The following CRIM1 variants were observed in gnomAD, a reference collection of about 807,000 sequenced individuals.
CRIM1 encodes the protein cysteine-rich motor neuron 1 protein.
CRIM1 carries 32 observed loss-of-function variants against 116.4 expected under a neutral mutation model. The ratio of observed to expected loss-of-function variants is 0.27; its 90% CI spans 0.21 to 0.37. The LOEUF (loss-of-function observed/expected upper bound fraction) is 0.37, where lower values mean the gene tolerates loss of function less well. CRIM1 is among the 10% of genes least tolerant of loss of function. The pLI, the probability that CRIM1 is intolerant of heterozygous loss-of-function variation, is 1.00. For synonymous variants in CRIM1, 590 were observed against 509.2 expected (o/e 1.16, Z -2.13); for missense variants, 1,331 against 1,354.8 (o/e 0.98, Z 0.28).
At chr2:36,510,793 T>A (rs1664618816) in intron 9 of CRIM1, among the ~76,000 whole-genome samples, 1 of 152,196 alleles carries the variant, frequency 6.6e-6, no homozygotes, top group African/African-American at 2.4e-5. Flanking sequence ...TAAGCACCTA[T>A]ATTTGCCTTT....
intron 2 of CRIM1, among the ~76,000 whole-genome samples, chr2:36,424,748 C>G (rs1402051503): frequency 6.6e-6 from 1 of 152,180 alleles, no homozygotes; most frequent in Non-Finnish European, 1.5e-5. Flanking sequence ...TCTCCTTTCT[C>G]TAGTCACAAT....
Position 36,537,475 on chromosome 2 carries a change from C to T in CRIM1, c.2552C>T (p.Thr851Ile). 3 of 1,614,242 alleles carry T rather than the reference C, an allele frequency of 1.9e-6. No individual in the cohort carries two copies. The highest frequency in any genetic ancestry group is 2.5e-6 in the Non-Finnish European group (3 of 1,180,040). The change falls in exon 14 of 17, where the codon ACC becomes ATC. Residue 851 changes from threonine to isoleucine, a missense_variant. Coordinates refer to ENST00000280527, the MANE Select transcript of CRIM1 (RefSeq NM_016441.3). The stretch of plus-strand genomic sequence containing the variant: ...CTGCAGGGCCAGACCCTCTGCTCGA[C>T]CGTCAGCTGCCCCCCTCTGCCCTGT... ...YCLQGQTLCS[T>I]VSCPPLPCVE...
intron 7 of CRIM1, among the ~76,000 whole-genome samples, chr2:36,483,533 G>A (rs1199395737): frequency 6.6e-6 from 1 of 152,118 alleles, no homozygotes; most frequent in Non-Finnish European, 1.5e-5. Flanking sequence ...TTTGCCCAGG[G>A]TCATACAGCT....
intron 1 of CRIM1, among the ~76,000 whole-genome samples, chr2:36,374,726 T>G (rs1224446540): frequency 6.6e-6 from 1 of 152,170 alleles, no homozygotes; most frequent in African/African-American, 2.4e-5. Flanking sequence ...GTAATGGAAT[T>G]TATTTTCCTG....
intron 5 of CRIM1, among the ~76,000 whole-genome samples, chr2:36,470,390 G>A (rs1014547748): frequency 1.3e-5 from 2 of 152,196 alleles, no homozygotes; most frequent in Non-Finnish European, 2.9e-5. Flanking sequence ...ATGGAAAGAA[G>A]ATGCCACCTG....
At chr2:36,471,865 A>G (rs848554) in intron 5 of CRIM1, among the ~76,000 whole-genome samples, 93,316 of 152,044 alleles carry the variant, frequency 0.61, 29,186 homozygotes, top group South Asian at 0.75. Context: ...CAGTGTAAAC[A>G]TAACTTTTAA....
At chr2:36,447,695 C>T (rs546228583) in intron 4 of CRIM1, among the ~76,000 whole-genome samples, 1 of 152,278 alleles carries the variant, frequency 6.6e-6, no homozygotes, top group East Asian at 1.9e-4. Context: ...AGCCCTCATT[C>T]AAAGGTTTGG....
intron 2 of CRIM1, among the ~76,000 whole-genome samples, chr2:36,416,882 C>G (rs2124836262): frequency 6.6e-6 from 1 of 152,354 alleles, no homozygotes; most frequent in South Asian, 2.1e-4. Flanking sequence ...TGAGCCCAGT[C>G]TGTCCTGGCT....
At chr2:36,526,693 G>T (rs1315846374) in intron 13 of CRIM1, among the ~76,000 whole-genome samples, 1 of 152,154 alleles carries the variant, frequency 6.6e-6, no homozygotes, top group Admixed American at 6.5e-5. Flanking sequence ...GCCAGACTCT[G>T]GCAGCTTCTG....
At position 36,356,265 on chromosome 2, in the gene CRIM1, G is replaced by A; in HGVS notation, c.-28G>A. The A allele has an allele frequency of 7.6e-7, 1 of 1,322,282 alleles. No homozygotes were observed. The allele number at this position is 1,322,282 out of a possible 1,614,324, so 81.9% of individuals were successfully genotyped here. A position where few individuals can be genotyped will look rare whatever the true frequency, so the allele number is the denominator to read the frequency against. Reference sequence around the variant, plus strand: ...CCCGCCCCGCTCCCGGCCCGGCTGCGAGGAGGAGGCGGCGGCGGCGCAGGA... The same window carrying A: ...CCCGCCCCGCTCCCGGCCCGGCTGCAAGGAGGAGGCGGCGGCGGCGCAGGA... On this transcript the variant is annotated 5_prime_UTR_variant, in exon 1 of 17. Coordinates refer to ENST00000280527, the MANE Select transcript of CRIM1 (RefSeq NM_016441.3). The surrounding 1 kb of genome is among the most constrained non-coding windows in gnomAD (Gnocchi z 4.3).
chr2:36,457,082 A>C (rs1199688545), intron 4 of CRIM1, among the ~76,000 whole-genome samples: 1 of 152,136 alleles, frequency 6.6e-6, no homozygotes, highest in Non-Finnish European at 1.5e-5. Flanking sequence ...GAAGAGCTTA[A>C]TGGCTGCTTT....
intron 1 of CRIM1, among the ~76,000 whole-genome samples, chr2:36,366,400 G>C (rs1669605745): frequency 6.6e-6 from 1 of 151,586 alleles, no homozygotes; most frequent in African/African-American, 2.4e-5. Flanking sequence ...TTTGTCTTCT[G>C]AATATTTAAG....
chr2:36,390,618 G>A (rs1009665036), intron 1 of CRIM1, among the ~76,000 whole-genome samples: 3 of 151,900 alleles, frequency 2.0e-5, no homozygotes, highest in African/African-American at 4.8e-5. Context: ...TAGTACAGGG[G>A]CAAGTGTCTC....
Position 36,367,549 on chromosome 2 carries a change from C to T in CRIM1, c.331+10926C>T, listed in dbSNP as rs1356730245. ...CTACCTCAAGACAGGGGAACTGAAT[C>T]AGATGATATCTTAAGGTTCTACTGG... is the stretch of plus-strand genomic sequence containing the variant. On this transcript the variant is annotated intron_variant, in intron 1 of 16. Transcript: ENST00000280527. 2.6e-5 allele frequency among the ~76,000 whole-genome samples: 4 copies of T among 152,184 alleles called. No homozygotes were observed. In the East Asian group the frequency reaches 7.7e-4, roughly 29 times the overall value.
chr2:36,544,578 T>C lies in CRIM1; in HGVS notation c.2746+80T>C, dbSNP rs1667180981. On this transcript the variant is annotated intron_variant, in intron 15 of 16. Coordinates refer to ENST00000280527, the MANE Select transcript of CRIM1 (RefSeq NM_016441.3). Reference sequence around the variant, plus strand: ...GTTTTCTAATTTTTAAAATTTCCTATGAGTAACTTTTAAAATGACTTGCTG... The same window carrying C: ...GTTTTCTAATTTTTAAAATTTCCTACGAGTAACTTTTAAAATGACTTGCTG... 7 of 1,278,654 alleles carry C rather than the reference T, an allele frequency of 5.5e-6. No individual in the cohort carries two copies. In the East Asian group the frequency reaches 1.1e-4, roughly 21 times the overall value. The allele number at this position is 1,278,654 out of a possible 1,614,324, so 79.2% of individuals were successfully genotyped here. A position where few individuals can be genotyped will look rare whatever the true frequency, so the allele number is the denominator to read the frequency against.
In CRIM1 at chr2:36,548,613, T is replaced by C. The variant is rs1558428810; in HGVS notation, c.3023T>C (p.Ile1008Thr). The change falls in exon 17 of 17, where the codon ATT becomes ACT. Residue 1008 changes from isoleucine (I) to threonine (T), a missense_variant. By Grantham distance (89) the Ile-to-Thr change is moderately conservative. Coordinates refer to ENST00000280527, the MANE Select transcript of CRIM1 (RefSeq NM_016441.3). ...GACAGTTCCCAGAGAATGCTAAGAA[T>C]TGCAGAACCAGATGCAAGATTCAGT... is the stretch of plus-strand genomic sequence containing the variant. ...QVDSSQRMLR[I>T]AEPDARFSGF... is the part of the protein sequence containing the mutation. 5.0e-6 allele frequency: 8 copies of C among 1,612,886 alleles called. No homozygotes were observed. The highest frequency in any genetic ancestry group is 5.9e-6 in the Non-Finnish European group (7 of 1,179,532).
chr2:36,494,974 C>T (rs1680476533), intron 7 of CRIM1, among the ~76,000 whole-genome samples: 1 of 152,152 alleles, frequency 6.6e-6, no homozygotes, highest in Non-Finnish European at 1.5e-5. Flanking sequence ...AGGATTTCCT[C>T]ATTCTCCTAA....
chr2:36,413,319 A>G (rs1442571910), intron 2 of CRIM1, among the ~76,000 whole-genome samples: 4 of 152,206 alleles, frequency 2.6e-5, no homozygotes, highest in African/African-American at 9.7e-5. Flanking sequence ...ACCTTCAGTT[A>G]AAGGACATAG....
At chr2:36,432,148 A>G (rs969662792) in intron 2 of CRIM1, among the ~76,000 whole-genome samples, 5 of 152,192 alleles carry the variant, frequency 3.3e-5, no homozygotes, top group Non-Finnish European at 7.3e-5. Flanking sequence ...CCATTCTCTA[A>G]TAATTTTGAT....
Sources: gnomAD v4.1 joint callset for allele counts (sites outside exome capture counted in the v4.1 genomes callset) on GRCh38, gnomAD v4.1.1 for gene constraint, Gnocchi (gnomAD v3.1) non-coding constraint, MANE v1.5 for transcripts, NCBI Gene and HGNC (gene_info 2026-07-23, HGNC 2026-07-21) for gene names.